The following NRG2 variants were observed in gnomAD, a reference collection of about 807,000 sequenced individuals.
NRG2 encodes pro-neuregulin-2, membrane-bound isoform.
In NRG2, 27 loss-of-function variants were observed where a neutral mutation model predicts 73.9. The observed-to-expected ratio is 0.37, with a 90% CI of 0.27 to 0.50. NRG2 has a LOEUF of 0.50. NRG2 is among the 20% of genes least tolerant of loss of function. The pLI, the probability that NRG2 is intolerant of heterozygous loss-of-function variation, is 0.96. For missense variants in NRG2, 1,126 were observed against 1,210.1 expected, an observed-to-expected ratio of 0.93 and a Z score of 1.03; for synonymous variants, 532 against 541.0, an observed-to-expected ratio of 0.98 and a Z score of 0.23.
rs548591314 is a variant in NRG2, at chr5:139,912,620, C to A, written c.701-25109G>T. On this transcript the variant is annotated intron_variant, in intron 1 of 9. Coordinates refer to ENST00000361474, the MANE Select transcript of NRG2 (RefSeq NM_004883.3). ...CACCCATTTAGAGCTTATGAAAGTT[C>A]CAGCACTAACCACAAAGCAAAGAAC... is the stretch of plus-strand genomic sequence containing the variant. Among the ~76,000 whole-genome samples the A allele has an allele frequency of 3.3e-5, 5 of 152,254 alleles. No homozygotes were observed. The East Asian group carries it at 9.6e-4, about 29-fold the overall frequency.
At chr5:139,988,548 C>T (rs760422112) in intron 1 of NRG2, among the ~76,000 whole-genome samples, 4 of 151,786 alleles carry the variant, frequency 2.6e-5, no homozygotes, top group South Asian at 2.1e-4. Context: ...GAAAAGGTTA[C>T]GTATTATATG....
At chr5:139,918,675 G>C (rs1033411401) in intron 1 of NRG2, among the ~76,000 whole-genome samples, 9 of 152,168 alleles carry the variant, frequency 5.9e-5, no homozygotes, top group Non-Finnish European at 1.3e-4. Context: ...ATTTAGACAG[G>C]TTGGATTTGG....
At chr5:139,946,664 T>C (rs760096237) in intron 1 of NRG2, among the ~76,000 whole-genome samples, 19 of 152,096 alleles carry the variant, frequency 1.2e-4, no homozygotes, top group Non-Finnish European at 2.4e-4. Flanking sequence ...AAGGACATCA[T>C]TAAGAAAGTG....
chr5:139,865,193 CAGAA>C lies in NRG2; in HGVS notation c.1189+352_1189+355del. ...GGACACCTACCAAAAGAAAGAAAAC[CAGAA>C]AGAGAGAGCCAGGATAGCAAGACAC... is the stretch of plus-strand genomic sequence containing the variant. On this transcript the variant is annotated intron_variant, in intron 5 of 9. Coordinates refer to ENST00000361474, the MANE Select transcript of NRG2 (RefSeq NM_004883.3). The surrounding 1 kb of genome is among the most constrained non-coding windows in gnomAD (Gnocchi z 5.2). The C allele has an allele frequency of 6.2e-7, 1 of 1,609,648 alleles. No individual in the cohort carries two copies. The highest frequency in any genetic ancestry group is 8.5e-7 in the Non-Finnish European group (1 of 1,176,068).
At chr5:139,876,857 T>G (rs1212225006) in intron 3 of NRG2, among the ~76,000 whole-genome samples, 1 of 151,942 alleles carries the variant, frequency 6.6e-6, no homozygotes, top group African/African-American at 2.4e-5. Flanking sequence ...GACTGCGACT[T>G]CCCAGAGCTC....
At chr5:139,925,148 A>C (rs904778566) in intron 1 of NRG2, among the ~76,000 whole-genome samples, 12 of 152,060 alleles carry the variant, frequency 7.9e-5, no homozygotes, top group African/African-American at 2.9e-4. Context: ...TTCATCCATA[A>C]GTTCTATTGT....
At chr5:139,932,468 A>C (rs912884199) in intron 1 of NRG2, among the ~76,000 whole-genome samples, 1 of 152,052 alleles carries the variant, frequency 6.6e-6, no homozygotes, top group African/African-American at 2.4e-5. Context: ...ATTAGTTACC[A>C]TGAGAGTGGC....
At position 139,971,623 on chromosome 5, in the gene NRG2, CA is replaced by C. The variant is rs1392657307; in HGVS notation, c.700+70746del. 7.2e-5 allele frequency among the ~76,000 whole-genome samples: 11 copies of C among 152,278 alleles called. No homozygotes were observed. In the East Asian group the frequency reaches 2.1e-3, roughly 29 times the overall value. On this transcript the variant is annotated intron_variant, in intron 1 of 9. Transcript: ENST00000361474. ...AAAAAAAATCAAGCATTCTCAAGTGCATGAGCAATATGCAATTAGAAAATAT... is the reference window on the plus strand; with the variant it reads ...AAAAAAAATCAAGCATTCTCAAGTGCTGAGCAATATGCAATTAGAAAATAT...
At chr5:140,007,894 G>C (rs1186720265) in intron 1 of NRG2, among the ~76,000 whole-genome samples, 1 of 152,198 alleles carries the variant, frequency 6.6e-6, no homozygotes, top group Admixed American at 6.5e-5. Context: ...AGGAAACCAA[G>C]TCCCAGGGAA....
intron 1 of NRG2, among the ~76,000 whole-genome samples, chr5:139,897,374 G>A (rs1361790029): frequency 3.9e-5 from 6 of 152,110 alleles, no homozygotes; most frequent in Middle Eastern, 3.2e-3. Context: ...CTTAATAACC[G>A]GCAGCTCTTA....
At chr5:139,988,426 CTG>C (rs1389060524) in intron 1 of NRG2, among the ~76,000 whole-genome samples, 2 of 151,958 alleles carry the variant, frequency 1.3e-5, no homozygotes, top group African/African-American at 4.8e-5. Context: ...AATGAATAAA[CTG>C]TGGTAAACCA....
chr5:139,890,356 A>G (rs1476271312), intron 1 of NRG2, among the ~76,000 whole-genome samples: 1 of 152,024 alleles, frequency 6.6e-6, no homozygotes, highest in African/African-American at 2.4e-5. Context: ...ACTTTTTATA[A>G]ATATTAAGGC....
chr5:139,946,545 T>C lies in NRG2; in HGVS notation c.701-59034A>G, dbSNP rs1435469194. Among the ~76,000 whole-genome samples the C allele has an allele frequency of 3.3e-5, 5 of 152,188 alleles. No individual in the cohort carries two copies. In the East Asian group the frequency reaches 9.6e-4, roughly 29 times the overall value. ...CAAAAAACATAGATGTATTTCTTTG[T>C]GACACTGGATTGGGCAGTGATTTGT... is the stretch of plus-strand genomic sequence containing the variant. On this transcript the variant is annotated intron_variant, in intron 1 of 9. Coordinates refer to ENST00000361474, the MANE Select transcript of NRG2 (RefSeq NM_004883.3).
At chr5:139,948,007 C>T (rs1354358428) in intron 1 of NRG2, among the ~76,000 whole-genome samples, 1 of 152,162 alleles carries the variant, frequency 6.6e-6, no homozygotes, top group Non-Finnish European at 1.5e-5. Context: ...CACCATTCTC[C>T]ATCTCCAGAG....
At chr5:139,866,705 C>A (rs1243883713) in intron 4 of NRG2, among the ~76,000 whole-genome samples, 1 of 152,200 alleles carries the variant, frequency 6.6e-6, no homozygotes, top group African/African-American at 2.4e-5. Flanking sequence ...ATTCTCTGAT[C>A]TTGCCTTGCT....
rs576578306 is a variant in NRG2 at position 139,935,972 on chromosome 5, A to G, written c.701-48461T>C. Among the ~76,000 whole-genome samples the G allele has an allele frequency of 9.7e-4, 147 of 151,478 alleles. 1 individual carries two copies. The highest frequency in any genetic ancestry group is 1.7e-3 in the Non-Finnish European group (118 of 67,842). On this transcript the variant is annotated intron_variant, in intron 1 of 9. Coordinates refer to ENST00000361474, the MANE Select transcript of NRG2 (RefSeq NM_004883.3). ...AGACTCTGTCTTAAAAAAAAAAAAA[A>G]AAAGAAAGAAAAAGAAAAGAAAAAC...
chr5:139,927,764 CAAAAA>C (rs67854211), intron 1 of NRG2, among the ~76,000 whole-genome samples: 5 of 82,548 alleles, frequency 6.1e-5, no homozygotes, highest in Non-Finnish European at 7.6e-5. Context: ...AACCTTGTCT[CAAAAA>C]AAAAAAAAAA....
intron 1 of NRG2, among the ~76,000 whole-genome samples, chr5:139,927,290 C>A (rs1478669170): frequency 6.6e-6 from 1 of 152,016 alleles, no homozygotes; most frequent in Non-Finnish European, 1.5e-5. Context: ...CCCTTCCCTG[C>A]TGTGCTTATT....
intron 1 of NRG2, among the ~76,000 whole-genome samples, chr5:140,018,035 C>T (rs1488130384): frequency 6.6e-6 from 1 of 151,884 alleles, no homozygotes; most frequent in Non-Finnish European, 1.5e-5. Context: ...TCCAAACATG[C>T]AAAGTCATAA....
Sources: gnomAD v4.1 joint callset for allele counts (sites outside exome capture counted in the v4.1 genomes callset) on GRCh38, gnomAD v4.1.1 for gene constraint, Gnocchi (gnomAD v3.1) non-coding constraint, MANE v1.5 for transcripts, NCBI Gene and HGNC (gene_info 2026-07-23, HGNC 2026-07-21) for gene names.